PAPOLG: variants seen among roughly 807,000 people sequenced by gnomAD.
PAPOLG encodes poly(A) polymerase gamma.
PAPOLG carries 40 observed loss-of-function variants against 99.0 expected under a neutral mutation model. The observed-to-expected ratio is 0.40, with a 90% CI of 0.31 to 0.53. The LOEUF is 0.53. Ranked by LOEUF, PAPOLG falls within the 20% of genes least tolerant of loss-of-function variation. The pLI is 0.41. For missense variants in PAPOLG, 675 were observed against 884.1 expected (o/e 0.76, Z 3.00); for synonymous variants, 310 against 299.3 (o/e 1.04, Z -0.37).
At chr2:60,773,028 G>A (rs1446032412) in intron 7 of PAPOLG, among the ~76,000 whole-genome samples, 14 of 152,206 alleles carry the variant, frequency 9.2e-5, no homozygotes, top group East Asian at 1.9e-4. Flanking sequence ...GGGTTCAAGC[G>A]ATTCTCCTGC....
intron 9 of PAPOLG, 82 bp from the exon 10 acceptor site, chr2:60,780,625 T>C: frequency 7.1e-7 from 1 of 1,412,336 alleles, no homozygotes. Context: ...TGTAGAAGGT[T>C]AGAACAATCT....
intron 10 of PAPOLG, among the ~76,000 whole-genome samples, chr2:60,781,622 A>G (rs1383892650): frequency 6.6e-6 from 1 of 152,200 alleles, no homozygotes; most frequent in Non-Finnish European, 1.5e-5. Context: ...CCTTGATTAT[A>G]AGAGATCATT....
At chr2:60,758,112 A>G (rs1261272192) in intron 1 of PAPOLG, among the ~76,000 whole-genome samples, 1 of 152,204 alleles carries the variant, frequency 6.6e-6, no homozygotes, top group East Asian at 1.9e-4. Flanking sequence ...GTGATACTAT[A>G]TAGATATGTA....
intron 6 of PAPOLG, 100 bp from the exon 7 acceptor site, chr2:60,771,419 A>T (rs1300656554): frequency 3.6e-5 from 50 of 1,390,816 alleles, no homozygotes; most frequent in Non-Finnish European, 4.5e-5. Flanking sequence ...AACTTCCCAA[A>T]CTCATAACCA....
chr2:60,765,550 A>G (rs1173417613), intron 3 of PAPOLG, among the ~76,000 whole-genome samples: 5 of 152,056 alleles, frequency 3.3e-5, no homozygotes, highest in Non-Finnish European at 4.4e-5. Flanking sequence ...AATTCTCTTT[A>G]TGTATATTTT....
intron 7 of PAPOLG, among the ~76,000 whole-genome samples, chr2:60,773,410 T>C (rs1324699341): frequency 5.9e-5 from 9 of 152,216 alleles, no homozygotes; most frequent in Non-Finnish European, 1.2e-4. Flanking sequence ...CTATGTGGTC[T>C]TTTGCGTAAG....
intron 8 of PAPOLG, among the ~76,000 whole-genome samples, chr2:60,777,087 G>A (rs1671043277): frequency 6.6e-6 from 1 of 152,136 alleles, no homozygotes; most frequent in Admixed American, 6.6e-5. Flanking sequence ...AGAGAAGTTA[G>A]GGCTTTGCTC....
chr2:60,785,294 C>A (rs1274367577), intron 13 of PAPOLG, among the ~76,000 whole-genome samples: 1 of 151,936 alleles, frequency 6.6e-6, no homozygotes. Flanking sequence ...GCCCGCACCT[C>A]GCCTGGCTAA....
At chr2:60,796,965 GA>G in intron 21 of PAPOLG, 96 bp from the exon 22 acceptor site, 1 of 1,502,612 alleles carries the variant, frequency 6.7e-7, no homozygotes, top group Admixed American at 1.9e-5. Flanking sequence ...GGGTTTGGGA[GA>G]AAAACTCCCC....
chr2:60,758,096 G>A (rs575764145), intron 1 of PAPOLG, among the ~76,000 whole-genome samples: 1 of 152,082 alleles, frequency 6.6e-6, no homozygotes, highest in Non-Finnish European at 1.5e-5. Context: ...GGATTATTGC[G>A]ATTGAGTGAT....
intron 8 of PAPOLG, among the ~76,000 whole-genome samples, chr2:60,779,037 T>C (rs139561942): frequency 2.6e-5 from 4 of 151,844 alleles, no homozygotes; most frequent in Non-Finnish European, 2.9e-5. Flanking sequence ...CAGTGAATTA[T>C]GATTGTGCCA....
At chr2:60,776,951 A>T (rs1044864393) in intron 8 of PAPOLG, among the ~76,000 whole-genome samples, 8 of 152,254 alleles carry the variant, frequency 5.3e-5, no homozygotes, top group African/African-American at 1.9e-4. Context: ...CAACTTCTGC[A>T]TCAGCACTTG....
chr2:60,776,264 C>T (rs1351396460), intron 8 of PAPOLG, among the ~76,000 whole-genome samples: 1 of 151,954 alleles, frequency 6.6e-6, no homozygotes, highest in Non-Finnish European at 1.5e-5. Flanking sequence ...CAGTAGATCT[C>T]ACCAATGGGC....
intron 15 of PAPOLG, among the ~76,000 whole-genome samples, chr2:60,789,268 G>GTA: frequency 6.6e-6 from 1 of 151,536 alleles, no homozygotes; most frequent in East Asian, 1.9e-4. Context: ...CATGGCACAT[G>GTA]TATACATATG....
rs1373510789 is a variant in PAPOLG at position 60,798,027 on chromosome 2, T to TCAA, written c.*871_*873dup. On this transcript the variant is annotated 3_prime_UTR_variant, in exon 22 of 22. Coordinates refer to ENST00000238714, the MANE Select transcript of PAPOLG (RefSeq NM_022894.4). ...TACTGAGGAGCAACTCATTCCAGCATCAACAATAAGATAACCTTTAAGTAT... is the reference window on the plus strand; with the variant it reads ...TACTGAGGAGCAACTCATTCCAGCATCAACAACAATAAGATAACCTTTAAGTAT... The TCAA allele has an allele frequency of 6.5e-6, 1 of 152,820 alleles. No individual in the cohort carries two copies. Among genetic ancestry groups the TCAA allele is most frequent in the East Asian group, 1.9e-4 (1 of 5,342 alleles). 9.5% of individuals were successfully genotyped at this position (152,820 alleles called of 1,614,324 possible). A position where few individuals can be genotyped will look rare whatever the true frequency, so the allele number is the denominator to read the frequency against.
Position 60,777,231 on chromosome 2 carries a change from G to A in PAPOLG, c.694+2108G>A, listed in dbSNP as rs545581370. Among the ~76,000 whole-genome samples, 24 of 152,160 alleles carry A rather than the reference G, an allele frequency of 1.6e-4. No individual in the cohort carries two copies. The South Asian group carries it at 3.7e-3, about 24-fold the overall frequency. ...AGTACTTTGGGAGGCCGAGGCGAGC[G>A]GATCATGAGGTCAGGAGAGTTCGAG... On this transcript the variant is annotated intron_variant, in intron 8 of 21. Coordinates refer to ENST00000238714, the MANE Select transcript of PAPOLG (RefSeq NM_022894.4).
chr2:60,775,237 C>T, intron 8 of PAPOLG, 114 bp downstream of exon 8: 1 of 1,229,442 alleles, frequency 8.1e-7, no homozygotes. Flanking sequence ...GGTTAAGGGC[C>T]AATAAACTCT....
chr2:60,763,182 T>G (rs941285389), intron 3 of PAPOLG, among the ~76,000 whole-genome samples: 4 of 152,024 alleles, frequency 2.6e-5, no homozygotes, highest in African/African-American at 9.7e-5. Context: ...GCTCAAGTGA[T>G]CCTCCCACCT....
chr2:60,768,545 A>C lies in PAPOLG; in HGVS notation c.322A>C (p.Thr108Pro). 6.3e-7 allele frequency: 1 copy of C among 1,596,446 alleles called. No individual in the cohort carries two copies. The highest frequency in any genetic ancestry group is 8.6e-7 in the Non-Finnish European group (1 of 1,164,396). ...TFGSYRLGVH[T>P]KGADIDALCV... is the part of the protein sequence containing the mutation. ...TGGATCCTATAGGCTTGGAGTACAC[A>C]CCAAAGGTAACTGCTTTTCTGTGTT... The change falls in exon 4 of 22, where the codon ACC (threonine) becomes CCC (proline). Residue 108 changes from threonine (T) to proline (P), a missense_variant. Physicochemically the swap from Thr to Pro is conservative, Grantham distance 38. This residue lies in a region of PAPOLG where 149 missense variants were observed against 192.1 expected (regional missense o/e 0.78). Transcript: ENST00000238714.
Sources: allele counts gnomAD v4.1 joint callset (sites outside exome capture counted in the v4.1 genomes callset), GRCh38; gene constraint gnomAD v4.1.1; regional missense constraint gnomAD v4.1.1; transcripts MANE v1.5; gene names NCBI Gene and HGNC (gene_info 2026-07-23, HGNC 2026-07-21).